IL33: variants seen among roughly 807,000 people sequenced by gnomAD.
IL33 encodes the protein interleukin 33.
IL33 carries 37 observed loss-of-function variants against 27.3 expected under a neutral mutation model. That is an observed-to-expected ratio of 1.36 (90% CI 1.04 to 1.78). The LOEUF (loss-of-function observed/expected upper bound fraction) is 1.78. IL33 is among the 40% of genes most tolerant of loss of function. IL33 has a pLI of 0.00. For synonymous variants in IL33, 132 were observed against 102.9 expected (o/e 1.28, Z -1.71); for missense variants, 406 against 311.4 (o/e 1.30, Z -2.29).
At chr9:6,245,269 T>C (rs1162215840) in intron 2 of IL33, among the ~76,000 whole-genome samples, 1 of 152,202 alleles carries the variant, frequency 6.6e-6, no homozygotes, top group Non-Finnish European at 1.5e-5. Context: ...AAATAGGATA[T>C]TTTTAATGAA....
At chr9:6,224,464 C>G (rs1404855662) in intron 1 of IL33, among the ~76,000 whole-genome samples, 2 of 152,168 alleles carry the variant, frequency 1.3e-5, no homozygotes, top group Admixed American at 6.5e-5. Context: ...TCAAAACAAA[C>G]AGCAAATCAG....
chr9:6,241,114 C>T (rs1819500855), intron 1 of IL33, among the ~76,000 whole-genome samples: 1 of 152,128 alleles, frequency 6.6e-6, no homozygotes. Context: ...ATGGAGCTGT[C>T]ATTTCCTATA....
chr9:6,257,366 C>G lies in IL33; in HGVS notation c.*1198C>G, dbSNP rs1564079933. On this transcript the variant is annotated 3_prime_UTR_variant, in exon 8 of 8. Coordinates refer to ENST00000682010, the MANE Select transcript of IL33 (RefSeq NM_033439.4). Reference sequence around the variant, plus strand: ...CATGCCCTTGATATATCTTTTGCACCTGCTGAACTTCATTTCTGTATCACC... The same window carrying G: ...CATGCCCTTGATATATCTTTTGCACGTGCTGAACTTCATTTCTGTATCACC... 6.6e-6 allele frequency: 1 copy of G among 152,476 alleles called. No individual in the cohort carries two copies. The highest frequency in any genetic ancestry group is 1.5e-5 in the Non-Finnish European group (1 of 68,018). 9.4% of individuals were successfully genotyped at this position (152,476 alleles called of 1,614,324 possible). A position where few individuals can be genotyped will look rare whatever the true frequency, so the allele number is the denominator to read the frequency against.
intron 1 of IL33, among the ~76,000 whole-genome samples, chr9:6,233,479 T>C (rs1251754475): frequency 1.3e-5 from 2 of 152,200 alleles, no homozygotes; most frequent in Non-Finnish European, 2.9e-5. Flanking sequence ...ATGTAAGTTT[T>C]CCTCTTTTCA....
intron 1 of IL33, among the ~76,000 whole-genome samples, chr9:6,226,847 T>G (rs542415328): frequency 6.6e-6 from 1 of 152,248 alleles, no homozygotes; most frequent in Admixed American, 6.5e-5. Context: ...TCGTTTGCTT[T>G]GCAAATTTTG....
chr9:6,233,234 A>G (rs1819012154), intron 1 of IL33, among the ~76,000 whole-genome samples: 1 of 152,132 alleles, frequency 6.6e-6, no homozygotes, highest in Non-Finnish European at 1.5e-5. Context: ...TAAAACTTCA[A>G]ACCAATGCTT....
At chr9:6,245,230 G>C (rs1819764868) in intron 2 of IL33, among the ~76,000 whole-genome samples, 1 of 152,130 alleles carries the variant, frequency 6.6e-6, no homozygotes, top group African/African-American at 2.4e-5. Flanking sequence ...CGGTGTTATT[G>C]ATATTTTCTA....
chr9:6,256,054 G>T lies in IL33; in HGVS notation c.699G>T (p.Lys233Asn). The T allele has an allele frequency of 6.2e-7, 1 of 1,613,422 alleles. No individual in the cohort carries two copies. The highest frequency in any genetic ancestry group is 1.1e-5 in the South Asian group (1 of 91,058). ...CCAACTGTGTTTCATTTGAATGCAA[G>T]ACTGATCCTGGAGTGTTTATAGGTG... ...MHSNCVSFECKTDPGVFIGVK... is the reference protein window; with the variant it reads ...MHSNCVSFECNTDPGVFIGVK... Residue 233 changes from lysine to asparagine, a missense_variant, in exon 8 of 8, where the codon AAG becomes AAT. Coordinates refer to ENST00000682010, the MANE Select transcript of IL33 (RefSeq NM_033439.4).
At chr9:6,223,443 T>C (rs544472817) in intron 1 of IL33, among the ~76,000 whole-genome samples, 1 of 152,054 alleles carries the variant, frequency 6.6e-6, no homozygotes, top group South Asian at 2.1e-4. Flanking sequence ...ATACAAAAGA[T>C]TTTCAGTTTA....
intron 2 of IL33, among the ~76,000 whole-genome samples, 173 bp from the exon 3 acceptor site, chr9:6,250,301 T>C (rs567780831): frequency 5.3e-5 from 8 of 152,308 alleles, no homozygotes; most frequent in African/African-American, 1.7e-4. Context: ...ATATGCTCTA[T>C]ATTACAATCC....
chr9:6,247,509 G>C lies in IL33; in HGVS notation c.92-2965G>C, dbSNP rs562823155. 1.3e-5 allele frequency among the ~76,000 whole-genome samples: 2 copies of C among 152,180 alleles called. 1 individual carries two copies. Among genetic ancestry groups the C allele is most frequent in the South Asian group, 4.2e-4 (2 of 4,816 alleles). ...GCAGAATTATAGAAAGATTTCCAGGGCCCTTCCTATTTACTCACAAGAAAT... is the reference window on the plus strand; with the variant it reads ...GCAGAATTATAGAAAGATTTCCAGGCCCCTTCCTATTTACTCACAAGAAAT... On this transcript the variant is annotated intron_variant, in intron 2 of 7. Transcript: ENST00000682010.
Position 6,253,682 on chromosome 9 carries a change from C to A in IL33, c.520+80C>A, listed in dbSNP as rs1816551398. On this transcript the variant is annotated intron_variant, in intron 6 of 7. Transcript: ENST00000682010. ...GATAAATCCAAAAAAATCCTTTTTG[C>A]CCCATAGGAAAAAAGATAGTCTCAG... 4 of 1,116,782 alleles carry A rather than the reference C, an allele frequency of 3.6e-6. No individual in the cohort carries two copies. The East Asian group carries it at 9.6e-5, about 27-fold the overall frequency. The allele number at this position is 1,116,782 out of a possible 1,614,324, so 69.2% of individuals were successfully genotyped here.
In IL33 at chr9:6,235,965, C is replaced by A. The variant is rs538288821; in HGVS notation, c.-11-5719C>A. Among the ~76,000 whole-genome samples the A allele has an allele frequency of 4.6e-5, 7 of 151,100 alleles. No homozygotes were observed. The South Asian group carries it at 1.5e-3, about 32-fold the overall frequency. ...ACTAGGAGTTTATGCTACCAATAAA[C>A]TTATAAATATTTTCAAAGAATCACA... is the stretch of plus-strand genomic sequence containing the variant. On this transcript the variant is annotated intron_variant, in intron 1 of 7. Transcript: ENST00000682010.
At chr9:6,224,427 G>A (rs766977434) in intron 1 of IL33, among the ~76,000 whole-genome samples, 3 of 152,138 alleles carry the variant, frequency 2.0e-5, no homozygotes, top group Non-Finnish European at 4.4e-5. Context: ...CCAAAGCTTT[G>A]CCATCTGAAA....
chr9:6,223,903 A>T (rs2210464), intron 1 of IL33, among the ~76,000 whole-genome samples: 36,780 of 151,916 alleles, frequency 0.24, 4,793 homozygotes, highest in East Asian at 0.44. Flanking sequence ...CCATCCTCAG[A>T]GCATCTATGA....
At position 6,254,512 on chromosome 9, in the gene IL33, G is replaced by C. The variant is rs374327585; in HGVS notation, c.571G>C (p.Asp191His). 72 of 1,596,700 alleles carry C rather than the reference G, an allele frequency of 4.5e-5. No homozygotes were observed. The highest frequency in any genetic ancestry group is 3.3e-4 in the Middle Eastern group (2 of 6,002). ...AATGGTAACCCTGAGTCCTACAAAA[G>C]ACTTCTGGTTGCATGCCAACAACAA... ...MLMVTLSPTKDFWLHANNKEH... is the reference protein window; with the variant it reads ...MLMVTLSPTKHFWLHANNKEH... The change falls in exon 7 of 8, where the codon GAC (aspartate) becomes CAC (histidine). Residue 191 changes from aspartate to histidine, a missense_variant. By Grantham distance (81) the Asp-to-His change is moderately conservative. Transcript: ENST00000682010.
intron 2 of IL33, among the ~76,000 whole-genome samples, chr9:6,242,978 G>A (rs141548191): frequency 7.2e-5 from 11 of 152,290 alleles, no homozygotes; most frequent in African/African-American, 2.6e-4. Context: ...AGGAGAAAGA[G>A]GAGAGGAGGG....
intron 1 of IL33, among the ~76,000 whole-genome samples, chr9:6,232,404 A>G (rs1472342760): frequency 1.3e-5 from 2 of 150,480 alleles, no homozygotes; most frequent in East Asian, 3.8e-4. Context: ...TTCTATTTAA[A>G]TTATTTTATT....
At chr9:6,228,906 C>CA (rs34349688) in intron 1 of IL33, among the ~76,000 whole-genome samples, 61,574 of 150,434 alleles carry the variant, frequency 0.41, 14,020 homozygotes, top group East Asian at 0.55. Context: ...CAAGTAAAAA[C>CA]AAAAAACCAA....
Sources: gnomAD v4.1 joint callset for allele counts (sites outside exome capture counted in the v4.1 genomes callset) on GRCh38, gnomAD v4.1.1 for gene constraint, MANE v1.5 for transcripts, NCBI Gene and HGNC (gene_info 2026-07-23, HGNC 2026-07-21) for gene names.